Variants in CYTH3 observed in about 807,000 individuals in gnomAD.
CYTH3 encodes the protein cytohesin 3.
Under a neutral mutation model 55.1 loss-of-function variants are expected in CYTH3, and 23 were observed. The ratio of observed to expected loss-of-function variants is 0.42; its 90% CI spans 0.30 to 0.59. The LOEUF is 0.59. Among genes scored for constraint, CYTH3 ranks in the 20% least tolerant of loss-of-function variants. The pLI is 0.20. For missense variants in CYTH3, 413 were observed against 524.8 expected (o/e 0.79, Z 2.08); for synonymous variants, 249 against 194.9 (o/e 1.28, Z -2.31).
At chr7:6,267,056 C>G (rs144242548) in intron 1 of CYTH3, among the ~76,000 whole-genome samples, 1 of 152,178 alleles carries the variant, frequency 6.6e-6, no homozygotes, top group African/African-American at 2.4e-5. Context: ...CTCCTGAGAT[C>G]TGGTCGTTTA....
intron 1 of CYTH3, among the ~76,000 whole-genome samples, chr7:6,213,403 A>C (rs1257126619): frequency 6.6e-6 from 1 of 152,214 alleles, no homozygotes; most frequent in Admixed American, 6.5e-5. Flanking sequence ...TTTTAGGAAG[A>C]TTTCCACAAT....
chr7:6,190,347 T>G lies in CYTH3; in HGVS notation c.117+102A>C, dbSNP rs993551129. 65 of 245,078 alleles carry G rather than the reference T, an allele frequency of 2.7e-4. No individual in the cohort carries two copies. The East Asian group carries it at 4.8e-3, about 18-fold the overall frequency. The allele number at this position is 245,078 out of a possible 1,614,324, so 15.2% of individuals were successfully genotyped here. On this transcript the variant is annotated intron_variant, in intron 2 of 12. Coordinates refer to ENST00000350796, the MANE Select transcript of CYTH3 (RefSeq NM_004227.4). ...TTTTTTGTTATTTTTTGTTTTTGGG[T>G]TTTTTTTTTTTTTTACATTTTTGTG...
chr7:6,199,520 C>T (rs1784012599), intron 1 of CYTH3, among the ~76,000 whole-genome samples: 2 of 152,110 alleles, frequency 1.3e-5, no homozygotes, highest in South Asian at 4.2e-4. Flanking sequence ...AACAAAATAA[C>T]AAAATTCTAC....
At position 6,170,785 on chromosome 7, in the gene CYTH3, G is replaced by C. The variant is rs767124460; in HGVS notation, c.711+45C>G. 1.3e-6 allele frequency: 2 copies of C among 1,591,188 alleles called. No homozygotes were observed. The highest frequency in any genetic ancestry group is 1.7e-5 in the Admixed American group (1 of 57,376). The stretch of plus-strand genomic sequence containing the variant: ...CGCGGGCGCTGCGGCCGCTCACAGC[G>C]AAGAGATCCTGCAGACGGCAGCGGC... On this transcript the variant is annotated intron_variant, in intron 8 of 12. Coordinates refer to ENST00000350796, the MANE Select transcript of CYTH3 (RefSeq NM_004227.4). This position sits in a 1 kb window ranked among gnomAD's most constrained non-coding sequence, Gnocchi z 7.8.
intron 1 of CYTH3, among the ~76,000 whole-genome samples, chr7:6,267,692 T>C (rs779607737): frequency 6.6e-6 from 1 of 152,098 alleles, no homozygotes; most frequent in Non-Finnish European, 1.5e-5. Context: ...CCCGGCTAAT[T>C]TTTGTATTTT....
At chr7:6,228,033 GTATT>G (rs1038578386) in intron 1 of CYTH3, among the ~76,000 whole-genome samples, 8 of 152,178 alleles carry the variant, frequency 5.3e-5, no homozygotes, top group Non-Finnish European at 1.0e-4. Context: ...TATTTAAAAA[GTATT>G]TAATAATGAA....
At chr7:6,272,382 G>C (rs1232596625) in intron 1 of CYTH3, 92 bp downstream of exon 1, 10 of 1,171,058 alleles carry the variant, frequency 8.5e-6, no homozygotes, top group African/African-American at 1.7e-5. Context: ...GTCTCCTCCG[G>C]CGAACCCCGG....
At position 6,162,859 on chromosome 7, in the gene CYTH3, C is replaced by T. The variant is rs544076251; in HGVS notation, c.*2085G>A. The T allele has an allele frequency of 1.2e-3, 178 of 152,780 alleles. 3 individuals carry two copies. The highest frequency in any genetic ancestry group is 5.4e-4 in the Non-Finnish European group (37 of 68,058). 9.5% of individuals were successfully genotyped at this position (152,780 alleles called of 1,614,324 possible). A position where few individuals can be genotyped will look rare whatever the true frequency, so the allele number is the denominator to read the frequency against. ...GGTCAGAAGAAGGAAACAGCTTGTC[C>T]GAGCACAACATGCTGACAGAGCTGG... On this transcript the variant is annotated 3_prime_UTR_variant, in exon 13 of 13. Transcript: ENST00000350796.
At chr7:6,184,933 G>A (rs538763077) in intron 4 of CYTH3, among the ~76,000 whole-genome samples, 1 of 152,276 alleles carries the variant, frequency 6.6e-6, no homozygotes, top group East Asian at 1.9e-4. Context: ...CATGAGATTA[G>A]AATTTATCCA....
intron 1 of CYTH3, among the ~76,000 whole-genome samples, chr7:6,221,087 C>A (rs781091429): frequency 6.6e-6 from 1 of 152,004 alleles, no homozygotes; most frequent in African/African-American, 2.4e-5. Context: ...TGTATGCCCA[C>A]ACAAAAACCT....
chr7:6,180,163 GC>G (rs1436829958), intron 4 of CYTH3, among the ~76,000 whole-genome samples: 1 of 152,204 alleles, frequency 6.6e-6, no homozygotes, highest in African/African-American at 2.4e-5. Context: ...CATCTCTGGG[GC>G]TACAGGGCTG....
chr7:6,183,114 C>T (rs1044554633), intron 4 of CYTH3, among the ~76,000 whole-genome samples: 5 of 152,226 alleles, frequency 3.3e-5, no homozygotes, highest in African/African-American at 1.2e-4. Context: ...GGACTAAGTG[C>T]TCCCTCTTGC....
At chr7:6,241,077 G>A (rs962214011) in intron 1 of CYTH3, among the ~76,000 whole-genome samples, 3 of 152,022 alleles carry the variant, frequency 2.0e-5, no homozygotes, top group Non-Finnish European at 4.4e-5. Flanking sequence ...AGCCGAGATT[G>A]TGCCACTGCA....
chr7:6,193,063 T>C (rs1003166854), intron 1 of CYTH3, among the ~76,000 whole-genome samples: 19 of 148,856 alleles, frequency 1.3e-4, no homozygotes, highest in Non-Finnish European at 2.5e-4. Flanking sequence ...TCCCAGTTAC[T>C]GGGGAGGCTG....
intron 1 of CYTH3, among the ~76,000 whole-genome samples, chr7:6,218,330 T>C (rs1784470450): frequency 6.6e-6 from 1 of 152,120 alleles, no homozygotes; most frequent in Non-Finnish European, 1.5e-5. Flanking sequence ...GCCAGGCTGC[T>C]GGGTTTGAAG....
chr7:6,262,814 G>C (rs1162877730), intron 1 of CYTH3, among the ~76,000 whole-genome samples: 1 of 152,194 alleles, frequency 6.6e-6, no homozygotes, highest in African/African-American at 2.4e-5. Context: ...AGCTACTCGG[G>C]AGGCTGAGGC....
chr7:6,271,943 C>G (rs1036104806), intron 1 of CYTH3, among the ~76,000 whole-genome samples: 24 of 152,120 alleles, frequency 1.6e-4, no homozygotes, highest in African/African-American at 5.6e-4. Context: ...CGTTTCTGAC[C>G]CAAAGCCAAG....
At chr7:6,220,841 A>C (rs2128551367) in intron 1 of CYTH3, among the ~76,000 whole-genome samples, 1 of 152,162 alleles carries the variant, frequency 6.6e-6, no homozygotes, top group Non-Finnish European at 1.5e-5. Flanking sequence ...ACTAAAATAC[A>C]AAAAATTAGC....
intron 1 of CYTH3, among the ~76,000 whole-genome samples, chr7:6,207,086 CTTTTTTTTTTT>C (rs58910123): frequency 2.9e-5 from 3 of 104,052 alleles, no homozygotes; most frequent in East Asian, 4.3e-4. Flanking sequence ...AAATGTGCAA[CTTTTTTTTTTT>C]TTTTTTTTTT....
Sources: gnomAD v4.1 joint callset for allele counts (sites outside exome capture counted in the v4.1 genomes callset) on GRCh38, gnomAD v4.1.1 for gene constraint, Gnocchi (gnomAD v3.1) non-coding constraint, MANE v1.5 for transcripts, NCBI Gene and HGNC (gene_info 2026-07-23, HGNC 2026-07-21) for gene names.